MAP6: variants seen among roughly 807,000 people sequenced by gnomAD.
MAP6 encodes the protein microtubule associated protein 6, also known as microtubule-associated protein 6.
A neutral mutation model predicts 42.4 loss-of-function variants in MAP6; 26 were observed. That is an observed-to-expected ratio of 0.61 (90% CI 0.45 to 0.85). The LOEUF is 0.85. Ranked by LOEUF, MAP6 falls within the 40% of genes least tolerant of loss-of-function variation. MAP6 has a pLI of 0.00. For synonymous variants in MAP6, 418 were observed against 443.8 expected (o/e 0.94, Z 0.73); for missense variants, 966 against 1,099.0 (o/e 0.88, Z 1.71).
chr11:75,625,063 T>C (rs918915460), intron 1 of MAP6, among the ~76,000 whole-genome samples: 1 of 152,068 alleles, frequency 6.6e-6, no homozygotes, highest in Admixed American at 6.5e-5. Flanking sequence ...CTCTGGGAGT[T>C]CAAGGGCCTC....
intron 1 of MAP6, among the ~76,000 whole-genome samples, chr11:75,666,830 C>A (rs1250029188): frequency 6.6e-6 from 1 of 152,108 alleles, no homozygotes; most frequent in Non-Finnish European, 1.5e-5. Context: ...GAACATGAGG[C>A]CCAGAAAGGT....
intron 3 of MAP6, among the ~76,000 whole-genome samples, chr11:75,589,935 G>A (rs1942446054): frequency 2.0e-5 from 3 of 152,158 alleles, no homozygotes; most frequent in Admixed American, 6.5e-5. Flanking sequence ...GTATTTCTCA[G>A]CAGAGTCCAC....
At chr11:75,623,102 G>A (rs1283199189) in intron 1 of MAP6, among the ~76,000 whole-genome samples, 1 of 152,082 alleles carries the variant, frequency 6.6e-6, no homozygotes, top group Non-Finnish European at 1.5e-5. Context: ...TAGCTTAAAT[G>A]TCCATCAACT....
In MAP6 at chr11:75,608,288, C is replaced by T; in HGVS notation, c.940G>A (p.Val314Met). The T allele has an allele frequency of 1.2e-6, 2 of 1,614,218 alleles. No homozygotes were observed. The highest frequency in any genetic ancestry group is 1.7e-6 in the Non-Finnish European group (2 of 1,180,044). ...EFRAWTDIKPVKPIKAKPQYK... is the reference protein window; with the variant it reads ...EFRAWTDIKPMKPIKAKPQYK... ...TGGGGCTTGGCCTTTATTGGTTTCA[C>T]AGGCTTGATGTCCGTCCATGCCCTG... Residue 314 changes from valine (V) to methionine (M), a missense_variant, in exon 2 of 4, where the codon GTG becomes ATG. Physicochemically the swap from Val to Met is conservative, Grantham distance 21. Coordinates refer to ENST00000304771, the MANE Select transcript of MAP6 (RefSeq NM_033063.2).
At chr11:75,622,374 T>C (rs770271685) in intron 1 of MAP6, among the ~76,000 whole-genome samples, 8 of 152,112 alleles carry the variant, frequency 5.3e-5, no homozygotes, top group Non-Finnish European at 1.0e-4. Flanking sequence ...CCTCCCAAAG[T>C]TCTGAGATTA....
chr11:75,652,770 C>T (rs1426350174), intron 1 of MAP6, among the ~76,000 whole-genome samples: 1 of 148,632 alleles, frequency 6.7e-6, no homozygotes, highest in East Asian at 2.0e-4. Context: ...ATCCAGGAGG[C>T]GGAGGTTGCA....
At chr11:75,606,860 T>C (rs1942787405) in intron 2 of MAP6, among the ~76,000 whole-genome samples, 1 of 152,184 alleles carries the variant, frequency 6.6e-6, no homozygotes, top group Admixed American at 6.5e-5. Context: ...TGCCTGCTCT[T>C]TCTCAGGAAA....
chr11:75,607,532 G>A (rs920870525), intron 2 of MAP6: 1 of 985,298 alleles, frequency 1.0e-6, no homozygotes, highest in African/African-American at 1.7e-5. Context: ...GTTCATTTTG[G>A]TAACAAATGC....
At chr11:75,590,827 T>G (rs1942464436) in intron 3 of MAP6, among the ~76,000 whole-genome samples, 2 of 151,828 alleles carry the variant, frequency 1.3e-5, no homozygotes, top group Non-Finnish European at 2.9e-5. Flanking sequence ...ATTAGCTGGG[T>G]GTGGTGGCAG....
Position 75,651,758 on chromosome 11 carries a change from C to T in MAP6, c.905+15707G>A, listed in dbSNP as rs113409926. On this transcript the variant is annotated intron_variant, in intron 1 of 3. Coordinates refer to ENST00000304771, the MANE Select transcript of MAP6 (RefSeq NM_033063.2). ...AACAAGAGAATGACTATGTCACTTT[C>T]GAAGAATGAGTGATGTGCTTAATAA... 3.9e-3 allele frequency among the ~76,000 whole-genome samples: 588 copies of T among 152,304 alleles called. 1 individual carries two copies. The highest frequency in any genetic ancestry group is 8.6e-3 in the African/African-American group (357 of 41,558).
intron 1 of MAP6, among the ~76,000 whole-genome samples, chr11:75,618,830 C>T (rs1421165480): frequency 6.6e-6 from 1 of 152,246 alleles, no homozygotes; most frequent in Admixed American, 6.5e-5. Context: ...TCCTGTGCTT[C>T]CTGATCCAAT....
chr11:75,601,041 G>C (rs1425823763), intron 3 of MAP6, among the ~76,000 whole-genome samples: 1 of 152,248 alleles, frequency 6.6e-6, no homozygotes, highest in African/African-American at 2.4e-5. Flanking sequence ...CTGGGGCTCT[G>C]GGCAGCAGAG....
intron 1 of MAP6, among the ~76,000 whole-genome samples, chr11:75,664,573 G>A (rs1166496202): frequency 6.6e-6 from 1 of 152,226 alleles, no homozygotes; most frequent in Non-Finnish European, 1.5e-5. Flanking sequence ...TATGTAGAAT[G>A]GCAGAAGAAA....
Position 75,587,306 on chromosome 11 carries a change from A to G in MAP6, c.2195T>C (p.Leu732Pro), listed in dbSNP as rs1565249769. 1.2e-6 allele frequency: 2 copies of G among 1,614,044 alleles called. No homozygotes were observed. Among genetic ancestry groups the G allele is most frequent in the African/African-American group, 2.7e-5 (2 of 74,902 alleles). Reference protein sequence around the residue: ...VLVKDQGPTVLQPPKNQGRIV... With the variant: ...VLVKDQGPTVPQPPKNQGRIV... ...ACGACCTTGATTCTTTGGAGGCTGT[A>G]GGACTGTGGGGCCTTGATCCTTAAC... Residue 732 changes from leucine to proline, a missense_variant, in exon 4 of 4, where the codon CTA (leucine) becomes CCA (proline). Around this residue, in one of 2 missense-constraint regions of MAP6, gnomAD observed 943 missense variants for 1,049.9 expected, o/e 0.90. Coordinates refer to ENST00000304771, the MANE Select transcript of MAP6 (RefSeq NM_033063.2).
At chr11:75,657,912 TA>T (rs751019780) in intron 1 of MAP6, among the ~76,000 whole-genome samples, 1 of 152,198 alleles carries the variant, frequency 6.6e-6, no homozygotes, top group Non-Finnish European at 1.5e-5. Context: ...CCAAGGCCCA[TA>T]ACTTAATGAC....
chr11:75,626,163 T>C (rs1237545679), intron 1 of MAP6, among the ~76,000 whole-genome samples: 2 of 152,142 alleles, frequency 1.3e-5, no homozygotes, highest in Non-Finnish European at 2.9e-5. Context: ...ATATCCTCTC[T>C]GAACTGGATG....
intron 1 of MAP6, among the ~76,000 whole-genome samples, chr11:75,621,817 G>A (rs1943116335): frequency 6.6e-6 from 1 of 152,212 alleles, no homozygotes; most frequent in Non-Finnish European, 1.5e-5. Flanking sequence ...GAGGTCAGGA[G>A]TTCGAGACCA....
intron 1 of MAP6, among the ~76,000 whole-genome samples, chr11:75,652,293 A>G (rs994061916): frequency 4.6e-5 from 7 of 152,126 alleles, no homozygotes; most frequent in African/African-American, 1.7e-4. Flanking sequence ...CTTGTCTCCC[A>G]CCATGTCACT....
At chr11:75,666,537 A>C (rs1269598168) in intron 1 of MAP6, among the ~76,000 whole-genome samples, 3 of 152,082 alleles carry the variant, frequency 2.0e-5, no homozygotes, top group African/African-American at 7.2e-5. Flanking sequence ...AATAGCAGAG[A>C]AGGCTGGAGG....
Sources: allele counts gnomAD v4.1 joint callset (sites outside exome capture counted in the v4.1 genomes callset), GRCh38; gene constraint gnomAD v4.1.1; regional missense constraint gnomAD v4.1.1; transcripts MANE v1.5; gene names NCBI Gene and HGNC (gene_info 2026-07-23, HGNC 2026-07-21).